Variants in CACNA2D1 observed in about 807,000 individuals in gnomAD.
CACNA2D1 encodes the protein voltage-dependent calcium channel subunit alpha-2/delta-1.
CACNA2D1 carries 53 observed loss-of-function variants against 171.5 expected under a neutral mutation model. The observed-to-expected ratio is 0.31, with a 90% CI of 0.25 to 0.39. The LOEUF (loss-of-function observed/expected upper bound fraction) is 0.39, where lower values mean the gene tolerates loss of function less well. Among genes scored for constraint, CACNA2D1 ranks in the 10% least tolerant of loss-of-function variants. The pLI is 1.00. For missense variants in CACNA2D1, 903 were observed against 1,299.8 expected (o/e 0.69, Z 4.69); for synonymous variants, 442 against 443.1 (o/e 1.00, Z 0.03).
chr7:82,431,393 C>T (rs1310615558), intron 1 of CACNA2D1, among the ~76,000 whole-genome samples: 1 of 152,164 alleles, frequency 6.6e-6, no homozygotes, highest in Non-Finnish European at 1.5e-5. Flanking sequence ...TTCATTTAAT[C>T]CTCACGATAA....
At position 82,038,456 on chromosome 7, in the gene CACNA2D1, G is replaced by T. The variant is rs201967723; in HGVS notation, c.880-221C>A. Among the ~76,000 whole-genome samples the T allele has an allele frequency of 3.3e-5, 5 of 152,034 alleles. No homozygotes were observed. The East Asian group carries it at 9.6e-4, about 29-fold the overall frequency. On this transcript the variant is annotated intron_variant, in intron 10 of 38. Coordinates refer to ENST00000356860, the MANE Select transcript of CACNA2D1 (RefSeq NM_000722.4). ...CGCTGAGTCTGCTGCTTATATTCCC[G>T]AAGCCTGCTTTCCCTGCTTATAAAT...
intron 6 of CACNA2D1, among the ~76,000 whole-genome samples, chr7:82,107,173 G>GT (rs1348967628): frequency 6.6e-6 from 1 of 152,156 alleles, no homozygotes; most frequent in Non-Finnish European, 1.5e-5. Flanking sequence ...CATGAAGCAT[G>GT]TAAGATTCAA....
chr7:82,362,126 G>A (rs1290442594), intron 1 of CACNA2D1, among the ~76,000 whole-genome samples: 1 of 152,042 alleles, frequency 6.6e-6, no homozygotes, highest in East Asian at 1.9e-4. Flanking sequence ...AAGATGGCAC[G>A]CCCATGTAAC....
At chr7:82,227,376 A>T (rs112663710) in intron 3 of CACNA2D1, among the ~76,000 whole-genome samples, 4,716 of 152,306 alleles carry the variant, frequency 0.031, 231 homozygotes, top group African/African-American at 0.11. Context: ...TATAATGACA[A>T]AGTTGACAAC....
chr7:82,349,701 TCACATGCTGATATTTTATATC>T (rs1462116885), intron 1 of CACNA2D1, 52 bp from the exon 2 acceptor site: 1 of 1,338,124 alleles, frequency 7.5e-7, no homozygotes, highest in African/African-American at 1.4e-5. Flanking sequence ...CAAATAAAAG[TCACATGCTGATATTTTATATC>T]CACGCTACAG....
intron 38 of CACNA2D1, among the ~76,000 whole-genome samples, chr7:81,956,312 T>G (rs543127582): frequency 6.6e-6 from 1 of 152,076 alleles, no homozygotes; most frequent in African/African-American, 2.4e-5. Context: ...AAAAGAGAGC[T>G]GGCCTACTCA....
chr7:82,229,119 T>C (rs1206320970), intron 3 of CACNA2D1, among the ~76,000 whole-genome samples: 2 of 152,158 alleles, frequency 1.3e-5, no homozygotes, highest in Non-Finnish European at 2.9e-5. Context: ...CCACTTTACA[T>C]AATGAATTCT....
chr7:81,999,960 G>T (rs1441368400), intron 18 of CACNA2D1, among the ~76,000 whole-genome samples: 1 of 152,060 alleles, frequency 6.6e-6, no homozygotes, highest in Non-Finnish European at 1.5e-5. Context: ...TCCATGGGGA[G>T]CTTTAAAAAC....
At chr7:82,081,432 A>T (rs117752404) in intron 7 of CACNA2D1, among the ~76,000 whole-genome samples, 4 of 152,160 alleles carry the variant, frequency 2.6e-5, no homozygotes, top group Non-Finnish European at 5.9e-5. Context: ...ACTTGGTTAT[A>T]TTATATCATT....
At chr7:82,229,191 C>T (rs1405743203) in intron 3 of CACNA2D1, among the ~76,000 whole-genome samples, 1 of 152,124 alleles carries the variant, frequency 6.6e-6, no homozygotes, top group East Asian at 1.9e-4. Flanking sequence ...TAGCTTCTTA[C>T]AGTGTAACTC....
chr7:82,291,922 T>G (rs2129416807), intron 3 of CACNA2D1, among the ~76,000 whole-genome samples: 1 of 152,084 alleles, frequency 6.6e-6, no homozygotes, highest in South Asian at 2.1e-4. Flanking sequence ...CAAAATTGTT[T>G]TATCAAAATA....
chr7:82,171,408 C>T (rs1425412017), intron 3 of CACNA2D1, among the ~76,000 whole-genome samples: 1 of 151,938 alleles, frequency 6.6e-6, no homozygotes, highest in Non-Finnish European at 1.5e-5. Context: ...TTTCATAAGA[C>T]AGTGACATTT....
At chr7:82,324,622 T>C (rs1193956165) in intron 3 of CACNA2D1, among the ~76,000 whole-genome samples, 1 of 152,016 alleles carries the variant, frequency 6.6e-6, no homozygotes, top group Non-Finnish European at 1.5e-5. Flanking sequence ...TAAAAATCCA[T>C]AAAGATGCTG....
intron 1 of CACNA2D1, among the ~76,000 whole-genome samples, chr7:82,361,634 A>ATT (rs1266164103): frequency 6.6e-6 from 1 of 152,158 alleles, no homozygotes; most frequent in East Asian, 1.9e-4. Context: ...AAATATTAAA[A>ATT]TATTAGGCAG....
At chr7:82,088,040 T>A (rs1810687036) in intron 6 of CACNA2D1, among the ~76,000 whole-genome samples, 1 of 152,178 alleles carries the variant, frequency 6.6e-6, no homozygotes, top group African/African-American at 2.4e-5. Context: ...TCTGTTTCTG[T>A]CTGTCTCTCT....
chr7:82,012,115 T>C, intron 15 of CACNA2D1, 39 bp downstream of exon 15: 1 of 1,153,180 alleles, frequency 8.7e-7, no homozygotes, highest in Non-Finnish European at 1.3e-6. Context: ...TGTGTGCTTT[T>C]GTTATGACAG....
intron 3 of CACNA2D1, among the ~76,000 whole-genome samples, chr7:82,177,995 A>C (rs1184582597): frequency 6.6e-6 from 1 of 152,154 alleles, no homozygotes; most frequent in Non-Finnish European, 1.5e-5. Context: ...TTTTCTTACA[A>C]CTGATTTCAT....
chr7:82,146,474 T>TAA (rs1793110236), intron 4 of CACNA2D1, among the ~76,000 whole-genome samples: 1 of 145,382 alleles, frequency 6.9e-6, no homozygotes, highest in Non-Finnish European at 1.5e-5. Flanking sequence ...ATATATATCT[T>TAA]TATATATACA....
intron 3 of CACNA2D1, among the ~76,000 whole-genome samples, chr7:82,256,586 T>A (rs985874569): frequency 1.1e-4 from 16 of 152,296 alleles, no homozygotes; most frequent in African/African-American, 3.4e-4. Flanking sequence ...GTATAGTGTA[T>A]ACAGCAAAGA....
Sources: allele counts gnomAD v4.1 joint callset (sites outside exome capture counted in the v4.1 genomes callset), GRCh38; gene constraint gnomAD v4.1.1; transcripts MANE v1.5; gene names NCBI Gene and HGNC (gene_info 2026-07-23, HGNC 2026-07-21).